Variants in SEPTIN2 observed in about 807,000 individuals in gnomAD.
SEPTIN2 encodes the protein septin 2.
SEPTIN2 carries 34 observed loss-of-function variants against 46.5 expected under a neutral mutation model. That is an observed-to-expected ratio of 0.73 (90% CI 0.56 to 0.97). The LOEUF (loss-of-function observed/expected upper bound fraction) is 0.97. SEPTIN2 is among the 50% of genes least tolerant of loss of function. The probability of loss-of-function intolerance (pLI) is 0.00; values close to 1 mark genes in which losing one functional copy is unlikely to be tolerated. For synonymous variants in SEPTIN2, 175 were observed against 153.4 expected (o/e 1.14, Z -1.04); for missense variants, 347 against 448.4 (o/e 0.77, Z 2.04).
intron 1 of SEPTIN2, chr2:241,316,652 A>C (rs570066923): frequency 1.2e-6 from 1 of 858,840 alleles, no homozygotes; most frequent in African/African-American, 1.8e-5. Context: ...GTCTCAGTGG[A>C]GTCCCAACTG....
At chr2:241,323,910 G>C (rs932464072) in intron 1 of SEPTIN2, among the ~76,000 whole-genome samples, 1 of 152,200 alleles carries the variant, frequency 6.6e-6, no homozygotes, top group African/African-American at 2.4e-5. Flanking sequence ...CAGTCATAAG[G>C]ATCTCTCATC....
chr2:241,344,718 T>G (rs2081758283), intron 9 of SEPTIN2, among the ~76,000 whole-genome samples: 1 of 149,402 alleles, frequency 6.7e-6, no homozygotes, highest in East Asian at 2.0e-4. Context: ...AATAATAAAT[T>G]AAATAAATAA....
intron 11 of SEPTIN2, among the ~76,000 whole-genome samples, chr2:241,348,608 G>GT (rs967539633): frequency 1.4e-4 from 21 of 149,124 alleles, no homozygotes; most frequent in Admixed American, 4.0e-4. Context: ...AAAGTTTATA[G>GT]TTTTTTTTTT....
intron 3 of SEPTIN2, among the ~76,000 whole-genome samples, chr2:241,329,979 C>T (rs998077823): frequency 6.6e-6 from 1 of 152,152 alleles, no homozygotes; most frequent in Non-Finnish European, 1.5e-5. Flanking sequence ...CTCATTACGG[C>T]CAGCAGATAT....
intron 10 of SEPTIN2, among the ~76,000 whole-genome samples, chr2:241,347,888 G>A (rs899895896): frequency 3.6e-4 from 54 of 152,096 alleles, no homozygotes; most frequent in African/African-American, 1.3e-3. Flanking sequence ...GGTAGCACGT[G>A]CCTGTAATGC....
intron 3 of SEPTIN2, among the ~76,000 whole-genome samples, chr2:241,331,339 A>G (rs1374310417): frequency 6.6e-6 from 1 of 152,242 alleles, no homozygotes; most frequent in African/African-American, 2.4e-5. Context: ...ATTAAAATCT[A>G]AAGTTGTTAA....
At chr2:241,349,155 T>TTC (rs982383006) in intron 11 of SEPTIN2, among the ~76,000 whole-genome samples, 54 of 151,722 alleles carry the variant, frequency 3.6e-4, no homozygotes, top group African/African-American at 1.3e-3. Context: ...ATGCCAGGAG[T>TTC]TTAAGACCAG....
intron 6 of SEPTIN2, 76 bp downstream of exon 6, chr2:241,337,592 A>C (rs1295105941): frequency 2.5e-6 from 4 of 1,574,980 alleles, no homozygotes; most frequent in Non-Finnish European, 3.5e-6. Flanking sequence ...GTATTTTAAT[A>C]TAAGAATTAA....
chr2:241,337,176 G>C (rs2080167590), intron 5 of SEPTIN2: 1 of 525,152 alleles, frequency 1.9e-6, no homozygotes, highest in Middle Eastern at 5.0e-4. Flanking sequence ...TCAGGCTTTT[G>C]ACTCTCAGCA....
chr2:241,349,955 C>T lies in SEPTIN2; in HGVS notation c.985-118C>T, dbSNP rs2060636621. On this transcript the variant is annotated intron_variant, in intron 11 of 12. Coordinates refer to ENST00000391971, the MANE Select transcript of SEPTIN2 (RefSeq NM_004404.5). ...TTGGTAAAAAGTCTTTATGTAATAA[C>T]TCCTGTCATATTTTGGGAAGGTGTA... 2.6e-5 allele frequency: 23 copies of T among 876,658 alleles called. No homozygotes were observed. The South Asian group carries it at 3.3e-4, about 12-fold the overall frequency. The allele number at this position is 876,658 out of a possible 1,614,324, so 54.3% of individuals were successfully genotyped here. A position where few individuals can be genotyped will look rare whatever the true frequency, so the allele number is the denominator to read the frequency against.
At chr2:241,345,350 G>A (rs1458091946) in intron 9 of SEPTIN2, among the ~76,000 whole-genome samples, 4 of 152,176 alleles carry the variant, frequency 2.6e-5, no homozygotes, top group East Asian at 1.9e-4. Flanking sequence ...GAAGTTAAGC[G>A]CACTCAGCCC....
chr2:241,343,716 G>T (rs752167507), intron 8 of SEPTIN2, 36 bp from the exon 9 acceptor site: 40 of 1,612,584 alleles, frequency 2.5e-5, no homozygotes, highest in Non-Finnish European at 2.5e-5. Context: ...GGGGTTCCCT[G>T]TGTGGAGCCT....
intron 7 of SEPTIN2, among the ~76,000 whole-genome samples, chr2:241,339,002 A>G (rs2080856525): frequency 8.6e-6 from 1 of 116,130 alleles, no homozygotes; most frequent in Admixed American, 1.2e-4. Context: ...AAATATATAT[A>G]AATATTATAT....
chr2:241,322,183 A>G (rs1347138484), intron 1 of SEPTIN2, among the ~76,000 whole-genome samples: 1 of 152,174 alleles, frequency 6.6e-6, no homozygotes, highest in Non-Finnish European at 1.5e-5. Flanking sequence ...AAGCTTTTTA[A>G]TAAGTTTCTA....
At position 241,317,650 on chromosome 2, in the gene SEPTIN2, T is replaced by A. The variant is rs555102217; in HGVS notation, c.-18+1668T>A. ...TGTTAGTAGTCATACATGCCACTTA[T>A]CCCTGCCCCAGTCCCTGTTAGGAGT... is the stretch of plus-strand genomic sequence containing the variant. On this transcript the variant is annotated intron_variant, in intron 1 of 12. Coordinates refer to ENST00000391971, the MANE Select transcript of SEPTIN2 (RefSeq NM_004404.5). The A allele has an allele frequency of 4.1e-6, 3 of 724,162 alleles. No individual in the cohort carries two copies. The African/African-American group carries it at 5.8e-5, about 14-fold the overall frequency. The allele number at this position is 724,162 out of a possible 1,614,324, so 44.9% of individuals were successfully genotyped here. A position where few individuals can be genotyped will look rare whatever the true frequency, so the allele number is the denominator to read the frequency against.
At chr2:241,325,410 T>C (rs2077793827) in intron 2 of SEPTIN2, among the ~76,000 whole-genome samples, 1 of 152,176 alleles carries the variant, frequency 6.6e-6, no homozygotes, top group Non-Finnish European at 1.5e-5. Context: ...TTTCTTGGTC[T>C]TTGACACTAG....
chr2:241,326,819 C>T (rs886632332), intron 3 of SEPTIN2, among the ~76,000 whole-genome samples: 4 of 152,054 alleles, frequency 2.6e-5, no homozygotes, highest in African/African-American at 7.2e-5. Flanking sequence ...CCAGGCATGG[C>T]GGCTCACACC....
intron 4 of SEPTIN2, 191 bp from the exon 5 acceptor site, chr2:241,335,784 G>A (rs919745629): frequency 3.5e-5 from 23 of 648,380 alleles, no homozygotes; most frequent in Middle Eastern, 2.5e-4. Context: ...TTCCCCAGTA[G>A]CACAATAATC....
intron 1 of SEPTIN2, among the ~76,000 whole-genome samples, chr2:241,321,064 A>G (rs1301618361): frequency 6.6e-6 from 1 of 152,206 alleles, no homozygotes; most frequent in Non-Finnish European, 1.5e-5. Flanking sequence ...GACTGTAAAA[A>G]TGTTTTTCAA....
Sources: allele counts gnomAD v4.1 joint callset (sites outside exome capture counted in the v4.1 genomes callset), GRCh38; gene constraint gnomAD v4.1.1; transcripts MANE v1.5; gene names NCBI Gene and HGNC (gene_info 2026-07-23, HGNC 2026-07-21).